GCLC: variants seen among roughly 807,000 people sequenced by gnomAD.
The protein encoded by GCLC is glutamate-cysteine ligase catalytic subunit, also known as glutamate--cysteine ligase catalytic subunit.
GCLC carries 30 observed loss-of-function variants against 81.5 expected under a neutral mutation model. The observed-to-expected ratio is 0.37, with a 90% CI of 0.28 to 0.50. GCLC has a LOEUF of 0.50. Ranked by LOEUF, GCLC falls within the 20% of genes least tolerant of loss-of-function variation. The pLI is 0.96. For missense variants in GCLC, 556 were observed against 777.4 expected, an observed-to-expected ratio of 0.72 and a Z score of 3.39; for synonymous variants, 262 against 273.3, an observed-to-expected ratio of 0.96 and a Z score of 0.41.
chr6:53,500,723 A>G, intron 12 of GCLC: 1 of 599,334 alleles, frequency 1.7e-6, no homozygotes, highest in East Asian at 2.8e-5. Context: ...TCAACCAATC[A>G]GGGAATTTTA....
intron 1 of GCLC, among the ~76,000 whole-genome samples, chr6:53,530,775 C>T (rs896008052): frequency 6.6e-6 from 1 of 152,096 alleles, no homozygotes; most frequent in Non-Finnish European, 1.5e-5. Flanking sequence ...AATGCTTAAG[C>T]GTGGATCTGT....
intron 1 of GCLC, among the ~76,000 whole-genome samples, chr6:53,537,662 AAAG>A (rs926167937): frequency 6.6e-5 from 10 of 151,804 alleles, no homozygotes; most frequent in Middle Eastern, 3.4e-3. Flanking sequence ...ATATTAAAAA[AAAG>A]AAAAGAAATA....
At chr6:53,538,450 C>T (rs190078411) in intron 1 of GCLC, among the ~76,000 whole-genome samples, 1 of 152,100 alleles carries the variant, frequency 6.6e-6, no homozygotes, top group African/African-American at 2.4e-5. Flanking sequence ...CCTCAGCCTC[C>T]CGAGTAGCTG....
intron 8 of GCLC, 72 bp from the exon 9 acceptor site, chr6:53,507,690 T>TCA: frequency 1.1e-5 from 7 of 648,670 alleles, no homozygotes; most frequent in Non-Finnish European, 1.7e-5. Flanking sequence ...TATATGATAA[T>TCA]TATATAAAAA....
intron 1 of GCLC, among the ~76,000 whole-genome samples, chr6:53,541,630 C>T (rs1437912592): frequency 2.6e-5 from 4 of 151,884 alleles, no homozygotes; most frequent in African/African-American, 9.7e-5. Flanking sequence ...GGTGGGGGAA[C>T]AAAGGAACTT....
chr6:53,524,045 G>A (rs1000740256), intron 1 of GCLC: 3 of 152,190 alleles, frequency 2.0e-5, no homozygotes, highest in Non-Finnish European at 4.4e-5. Context: ...CTGTGACTCC[G>A]GAACAGCTAA....
At chr6:53,538,995 G>T (rs78580022) in intron 1 of GCLC, among the ~76,000 whole-genome samples, 3,392 of 152,326 alleles carry the variant, frequency 0.022, 130 homozygotes, top group African/African-American at 0.078. Flanking sequence ...AGATTTCAAT[G>T]CTGATGATAT....
rs1447583365 is a variant in GCLC, at chr6:53,500,235, C to T, written c.1581+12G>A. 6.2e-7 allele frequency: 1 copy of T among 1,612,662 alleles called. No homozygotes were observed. The highest frequency in any genetic ancestry group is 8.5e-7 in the Non-Finnish European group (1 of 1,178,834). ...GCACAGTGAGGGGTACTGTACAGGG[C>T]CACCCTCCTACCTTCCCATTGATGA... is the stretch of plus-strand genomic sequence containing the variant. On this transcript the variant is annotated intron_variant, in intron 14 of 15. Coordinates refer to ENST00000650454, the MANE Select transcript of GCLC (RefSeq NM_001498.4).
chr6:53,507,451 A>G (rs1223604673), intron 9 of GCLC, 29 bp downstream of exon 9: 1 of 1,611,450 alleles, frequency 6.2e-7, no homozygotes, highest in East Asian at 2.2e-5. Context: ...GCGTACATTC[A>G]AACCCAGAAA....
intron 1 of GCLC, among the ~76,000 whole-genome samples, chr6:53,525,945 T>C (rs1404285548): frequency 1.3e-5 from 2 of 152,206 alleles, no homozygotes; most frequent in Non-Finnish European, 2.9e-5. Context: ...AGATTTTAAA[T>C]GTGCACTATT....
chr6:53,522,577 C>CA (rs1763017449), intron 1 of GCLC, 50 bp from the exon 2 acceptor site: 1 of 1,151,010 alleles, frequency 8.7e-7, no homozygotes, highest in South Asian at 1.2e-5. Context: ...GACTTGTTTT[C>CA]AGTGTGGCCT....
chr6:53,499,244 A>G (rs1764453190), intron 15 of GCLC, among the ~76,000 whole-genome samples: 1 of 152,146 alleles, frequency 6.6e-6, no homozygotes, highest in African/African-American at 2.4e-5. Flanking sequence ...GCCAGCTCTT[A>G]AGGAACAGGA....
At chr6:53,515,649 A>C (rs1348637267) in intron 4 of GCLC, among the ~76,000 whole-genome samples, 1 of 152,170 alleles carries the variant, frequency 6.6e-6, no homozygotes, top group East Asian at 1.9e-4. Flanking sequence ...AACCAACAGA[A>C]CTTGAAGTTA....
At chr6:53,539,732 G>A (rs1366611750) in intron 1 of GCLC, among the ~76,000 whole-genome samples, 2 of 151,970 alleles carry the variant, frequency 1.3e-5, no homozygotes, top group Non-Finnish European at 2.9e-5. Context: ...TCTGTCCTGC[G>A]GGCCATTCTT....
chr6:53,512,186 C>G (rs969346024), intron 6 of GCLC, among the ~76,000 whole-genome samples: 8 of 151,954 alleles, frequency 5.3e-5, no homozygotes, highest in Non-Finnish European at 8.8e-5. Flanking sequence ...CTCAAGTGAT[C>G]TGCCCATCTC....
chr6:53,500,610 C>A (rs1764492582), intron 12 of GCLC, 97 bp from the exon 13 acceptor site: 4 of 852,198 alleles, frequency 4.7e-6, no homozygotes. Flanking sequence ...GACTCATTCC[C>A]TTAGGGATTC....
chr6:53,517,079 A>AAAT (rs372330233), intron 3 of GCLC, among the ~76,000 whole-genome samples: 4 of 104,412 alleles, frequency 3.8e-5, no homozygotes, highest in South Asian at 3.5e-4. Context: ...TTAAAAAAAA[A>AAAT]TTTTTTTTTT....
chr6:53,520,293 G>A (rs1287137898), intron 3 of GCLC, among the ~76,000 whole-genome samples: 2 of 152,154 alleles, frequency 1.3e-5, no homozygotes, highest in African/African-American at 4.8e-5. Flanking sequence ...CATCGGTATC[G>A]ATAGTGCTTT....
intron 12 of GCLC, among the ~76,000 whole-genome samples, chr6:53,502,461 A>G (rs2127619348): frequency 6.6e-6 from 1 of 152,382 alleles, no homozygotes; most frequent in East Asian, 1.9e-4. Context: ...TTTAGTTCTC[A>G]CATCAAAGCC....
Sources: gnomAD v4.1 joint callset for allele counts (sites outside exome capture counted in the v4.1 genomes callset) on GRCh38, gnomAD v4.1.1 for gene constraint, MANE v1.5 for transcripts, NCBI Gene and HGNC (gene_info 2026-07-23, HGNC 2026-07-21) for gene names.